ELMO1: variants seen among roughly 807,000 people sequenced by gnomAD.
ELMO1 encodes engulfment and cell motility protein 1.
ELMO1 carries 26 observed loss-of-function variants against 98.9 expected under a neutral mutation model. The observed-to-expected ratio is 0.26, with a 90% confidence interval of 0.19 to 0.36. The LOEUF is 0.36. Ranked by LOEUF, ELMO1 falls within the 10% of genes least tolerant of loss-of-function variation. ELMO1 has a pLI of 1.00. For missense variants in ELMO1, 627 were observed against 935.2 expected, an observed-to-expected ratio of 0.67 and a Z score of 4.30; for synonymous variants, 346 against 346.0, an observed-to-expected ratio of 1.00 and a Z score of 0.00.
chr7:37,313,950 G>C (rs1799019660), intron 4 of ELMO1, among the ~76,000 whole-genome samples: 2 of 152,102 alleles, frequency 1.3e-5, no homozygotes, highest in South Asian at 4.2e-4. Context: ...TTCCCTCCCT[G>C]CTGGCCCCCA....
At chr7:37,187,176 A>G (rs915653690) in intron 13 of ELMO1, among the ~76,000 whole-genome samples, 3 of 152,190 alleles carry the variant, frequency 2.0e-5, no homozygotes, top group African/African-American at 7.2e-5. Flanking sequence ...TGAAACTTGA[A>G]AACACCATGC....
chr7:37,140,569 A>C (rs2129307993), intron 13 of ELMO1, among the ~76,000 whole-genome samples: 1 of 152,318 alleles, frequency 6.6e-6, no homozygotes, highest in Non-Finnish European at 1.5e-5. Flanking sequence ...TGCACAGAAA[A>C]GGAAATAATC....
intron 13 of ELMO1, among the ~76,000 whole-genome samples, chr7:37,173,207 T>C (rs183993532): frequency 3.1e-4 from 47 of 152,308 alleles, no homozygotes; most frequent in African/African-American, 9.6e-4. Context: ...CTCTTTGAAA[T>C]TGTATTTAGA....
In ELMO1 at chr7:37,435,652, G is replaced by A. The variant is rs180818518; in HGVS notation, c.-74+13023C>T. Among the ~76,000 whole-genome samples, 7 of 152,260 alleles carry A rather than the reference G, an allele frequency of 4.6e-5. No homozygotes were observed. In the East Asian group the frequency reaches 7.7e-4, roughly 17 times the overall value. On this transcript the variant is annotated intron_variant, in intron 1 of 21. Transcript: ENST00000310758. ...CTTATCATTCCCAGGTCCAGACGCC[G>A]AGTCTCAGACTGTTTCATTACACAC...
In ELMO1 at chr7:36,881,020, CTCT is replaced by C. The variant is rs1375598226; in HGVS notation, c.1715-2906_1715-2904del. On this transcript the variant is annotated intron_variant, in intron 18 of 21. Coordinates refer to ENST00000310758, the MANE Select transcript of ELMO1 (RefSeq NM_014800.11). ...TAATTCTCTTATCCTATACAAGTTT[CTCT>C]TCTTCTGTCTACTACTAAAACGATA... 5.5e-4 allele frequency among the ~76,000 whole-genome samples: 84 copies of C among 152,326 alleles called. 1 individual carries two copies. Among genetic ancestry groups the C allele is most frequent in the Non-Finnish European group, 4.4e-5 (3 of 68,028 alleles).
At chr7:37,174,657 G>A (rs965654066) in intron 13 of ELMO1, among the ~76,000 whole-genome samples, 7 of 152,124 alleles carry the variant, frequency 4.6e-5, no homozygotes, top group Admixed American at 2.0e-4. Flanking sequence ...TAGGTCCCAT[G>A]GGTACAACAA....
At chr7:36,994,945 T>A (rs78161114) in intron 16 of ELMO1, among the ~76,000 whole-genome samples, 159 of 152,258 alleles carry the variant, frequency 1.0e-3, no homozygotes, top group African/African-American at 3.5e-3. Flanking sequence ...AAACTTAGCC[T>A]GAAGTTATAA....
At chr7:37,038,358 AG>A (rs1442291750) in intron 15 of ELMO1, among the ~76,000 whole-genome samples, 1 of 152,122 alleles carries the variant, frequency 6.6e-6, no homozygotes, top group African/African-American at 2.4e-5. Context: ...TGCCTGTGCA[AG>A]CTCATGACCC....
intron 16 of ELMO1, among the ~76,000 whole-genome samples, chr7:36,962,586 T>C (rs927525069): frequency 6.7e-6 from 1 of 148,742 alleles, no homozygotes; most frequent in Non-Finnish European, 1.5e-5. Context: ...ACTAATTGGA[T>C]GTGGTAGGTG....
intron 13 of ELMO1, chr7:37,197,122 A>G (rs1269441954): frequency 6.6e-6 from 1 of 152,250 alleles, no homozygotes; most frequent in Non-Finnish European, 1.5e-5. Flanking sequence ...TGTTGTCCCA[A>G]GCACCATCTC....
At chr7:37,302,853 T>C (rs1286739693) in intron 4 of ELMO1, among the ~76,000 whole-genome samples, 1 of 151,988 alleles carries the variant, frequency 6.6e-6, no homozygotes, top group African/African-American at 2.4e-5. Flanking sequence ...AGACAATAAA[T>C]TATTGTAACT....
chr7:37,385,328 C>T (rs932035518), intron 1 of ELMO1, among the ~76,000 whole-genome samples: 4 of 152,206 alleles, frequency 2.6e-5, no homozygotes, highest in African/African-American at 7.2e-5. Flanking sequence ...TTTTCTGTTC[C>T]TCATTCCATC....
intron 1 of ELMO1, among the ~76,000 whole-genome samples, chr7:37,405,009 C>T (rs779515703): frequency 4.6e-5 from 7 of 152,204 alleles, no homozygotes; most frequent in Middle Eastern, 3.4e-3. Context: ...CAGAATAAGG[C>T]GTTTGCTGAG....
intron 15 of ELMO1, among the ~76,000 whole-genome samples, chr7:37,091,041 A>C (rs1019227960): frequency 2.6e-5 from 4 of 152,244 alleles, no homozygotes; most frequent in Non-Finnish European, 5.9e-5. Flanking sequence ...TTCAAAAGAG[A>C]GTAATTGATC....
At chr7:37,447,713 AC>A (rs1562698616) in intron 1 of ELMO1, among the ~76,000 whole-genome samples, 1 of 45,070 alleles carries the variant, frequency 2.2e-5, no homozygotes, top group African/African-American at 8.2e-5. Context: ...GCGCGCACAC[AC>A]CACACACACA....
At chr7:37,420,493 G>C (rs759667562) in intron 1 of ELMO1, among the ~76,000 whole-genome samples, 6 of 152,178 alleles carry the variant, frequency 3.9e-5, no homozygotes, top group Non-Finnish European at 7.3e-5. Flanking sequence ...CACTGTCTAG[G>C]AAGAACATTT....
intron 16 of ELMO1, among the ~76,000 whole-genome samples, chr7:36,965,685 T>C (rs1438666599): frequency 2.0e-5 from 3 of 152,078 alleles, no homozygotes; most frequent in Non-Finnish European, 4.4e-5. Context: ...CAAGTTTCTA[T>C]AAAAAACCTA....
intron 13 of ELMO1, chr7:37,211,037 C>T: frequency 4.8e-6 from 1 of 209,034 alleles, no homozygotes; most frequent in Non-Finnish European, 9.8e-6. Context: ...CTCAATAACC[C>T]AATAATAAGA....
chr7:36,877,973 A>C, intron 19 of ELMO1, 37 bp downstream of exon 19: 1 of 1,523,116 alleles, frequency 6.6e-7, no homozygotes, highest in Non-Finnish European at 9.1e-7. Context: ...CAACCAACCG[A>C]CCACCACTCA....
Sources: allele counts gnomAD v4.1 joint callset (sites outside exome capture counted in the v4.1 genomes callset), GRCh38; gene constraint gnomAD v4.1.1; transcripts MANE v1.5; gene names NCBI Gene and HGNC (gene_info 2026-07-23, HGNC 2026-07-21).